The following ARHGAP32 variants were observed in gnomAD, a reference collection of about 807,000 sequenced individuals.
ARHGAP32 encodes the protein rho GTPase-activating protein 32.
A neutral mutation model predicts 186.5 loss-of-function variants in ARHGAP32; 51 were observed. The ratio of observed to expected loss-of-function variants is 0.27; its 90% CI spans 0.22 to 0.35. The LOEUF (loss-of-function observed/expected upper bound fraction) is 0.35. Among genes scored for constraint, ARHGAP32 ranks in the 10% least tolerant of loss-of-function variants. ARHGAP32 has a pLI of 1.00. For missense variants in ARHGAP32, 2,186 were observed against 2,623.5 expected (o/e 0.83, Z 3.64); for synonymous variants, 950 against 964.3 (o/e 0.99, Z 0.27).
chr11:129,034,774 C>T (rs1305189235), intron 11 of ARHGAP32, among the ~76,000 whole-genome samples: 2 of 143,184 alleles, frequency 1.4e-5, no homozygotes, highest in Non-Finnish European at 3.0e-5. Context: ...AACAGGAGAT[C>T]GTGCCACTGC....
At position 128,999,760 on chromosome 11, in the gene ARHGAP32, C is replaced by T. The variant is rs986876204; in HGVS notation, c.1046-1292G>A. On this transcript the variant is annotated intron_variant, in intron 11 of 22. Transcript: ENST00000682385. ...GGTTCCCCCGATATCTTCTCACCAC[C>T]TTACCTTATGAGACTGTCAGCAAAT... 2.6e-5 allele frequency among the ~76,000 whole-genome samples: 4 copies of T among 152,170 alleles called. No individual in the cohort carries two copies. In the East Asian group the frequency reaches 7.7e-4, roughly 29 times the overall value.
intron 5 of ARHGAP32, among the ~76,000 whole-genome samples, chr11:129,120,666 C>T (rs778734680): frequency 2.0e-5 from 3 of 151,958 alleles, no homozygotes; most frequent in African/African-American, 2.4e-5. Flanking sequence ...ATGTAGAAGA[C>T]GTTAACATCT....
intron 1 of ARHGAP32, among the ~76,000 whole-genome samples, chr11:129,234,673 T>A (rs1226046299): frequency 6.6e-6 from 1 of 152,172 alleles, no homozygotes; most frequent in Non-Finnish European, 1.5e-5. Flanking sequence ...TTATTTTTAA[T>A]CTGCCACCTG....
chr11:128,984,949 C>A (rs1431640206), intron 15 of ARHGAP32, among the ~76,000 whole-genome samples: 2 of 152,164 alleles, frequency 1.3e-5, no homozygotes, highest in Non-Finnish European at 2.9e-5. Flanking sequence ...TAGTCTCCAA[C>A]TTACAATGGT....
chr11:128,973,452 A>G lies in ARHGAP32; in HGVS notation c.3074-20T>C. On this transcript the variant is annotated intron_variant, in intron 21 of 22. Transcript: ENST00000682385. Reference sequence around the variant, plus strand: ...CTGCTCCTAGTGGGAAATTGGGAAAAAAAATGAGAGTGAAAAGGTAGCTTA... The same window carrying G: ...CTGCTCCTAGTGGGAAATTGGGAAAGAAAATGAGAGTGAAAAGGTAGCTTA... The G allele has an allele frequency of 1.2e-6, 2 of 1,609,066 alleles. No homozygotes were observed. Among genetic ancestry groups the G allele is most frequent in the South Asian group, 2.2e-5 (2 of 90,890 alleles).
rs141181909 is a variant in ARHGAP32 at position 129,231,249 on chromosome 11, T to C, written c.-5+47897A>G. Among the ~76,000 whole-genome samples, 227 of 152,346 alleles carry C rather than the reference T, an allele frequency of 1.5e-3. 1 individual carries two copies. Among genetic ancestry groups the C allele is most frequent in the African/African-American group, 5.0e-3 (209 of 41,586 alleles). On this transcript the variant is annotated intron_variant, in intron 1 of 6. Transcript: ENST00000525234. ...ATTGTTACGGTTTTCTATTGAGACA[T>C]CCTGCCCTATTTTTGACAGCTATTA...
At chr11:128,988,260 T>A (rs953025106) in intron 12 of ARHGAP32, 135 bp from the exon 13 acceptor site, 1 of 608,598 alleles carries the variant, frequency 1.6e-6, no homozygotes, top group African/African-American at 1.8e-5. Flanking sequence ...CAAAAATTAA[T>A]CCACTACAAA....
In ARHGAP32 at chr11:128,981,834, C is replaced by T. The variant is rs1945713810; in HGVS notation, c.1629G>A (p.Leu543=). The T allele has an allele frequency of 6.2e-7, 1 of 1,601,900 alleles. No homozygotes were observed. The highest frequency in any genetic ancestry group is 8.5e-7 in the Non-Finnish European group (1 of 1,170,826). The change falls in exon 16 of 23, where the codon CTG becomes CTA. Residue 543 remains leucine (L), a synonymous_variant. Transcript: ENST00000682385. ...ATAAGTGAAATGCAAATTACCTTAACAGGTTTGGAGCCCAAACAATTGCTA... is the reference window on the plus strand; with the variant it reads ...ATAAGTGAAATGCAAATTACCTTAATAGGTTTGGAGCCCAAACAATTGCTA... ...KNLAIVWAPN[L]LRSKQIESAC...
At chr11:129,240,008 G>A (rs1034350000) in intron 1 of ARHGAP32, among the ~76,000 whole-genome samples, 2 of 152,118 alleles carry the variant, frequency 1.3e-5, no homozygotes, top group South Asian at 2.1e-4. Flanking sequence ...CAGTTACTAT[G>A]CGCAGTGACA....
At chr11:129,227,719 C>T (rs910273862) in intron 1 of ARHGAP32, among the ~76,000 whole-genome samples, 2 of 152,018 alleles carry the variant, frequency 1.3e-5, no homozygotes, top group African/African-American at 4.8e-5. Context: ...TAGCAGACAT[C>T]CAACAACAGA....
chr11:129,154,322 A>C (rs1439913703), intron 2 of ARHGAP32, among the ~76,000 whole-genome samples: 4 of 152,202 alleles, frequency 2.6e-5, no homozygotes, highest in Non-Finnish European at 5.9e-5. Flanking sequence ...AATGGTATGG[A>C]GATTCCCTAA....
intron 1 of ARHGAP32, among the ~76,000 whole-genome samples, chr11:129,242,924 C>T (rs555155274): frequency 6.6e-6 from 1 of 152,172 alleles, no homozygotes; most frequent in East Asian, 1.9e-4. Context: ...TAACTGCACA[C>T]ACACACCTAC....
intron 5 of ARHGAP32, among the ~76,000 whole-genome samples, chr11:129,109,171 G>A (rs1942133780): frequency 1.3e-5 from 2 of 152,040 alleles, no homozygotes; most frequent in Non-Finnish European, 2.9e-5. Flanking sequence ...TCTGTGGCTA[G>A]ATTATTTCAC....
At chr11:129,018,731 G>A (rs544605285) in intron 11 of ARHGAP32, among the ~76,000 whole-genome samples, 1 of 152,178 alleles carries the variant, frequency 6.6e-6, no homozygotes, top group Non-Finnish European at 1.5e-5. Flanking sequence ...TGATTCACTA[G>A]AGTAATAACT....
intron 2 of ARHGAP32, among the ~76,000 whole-genome samples, chr11:129,160,997 G>A (rs1433682582): frequency 7.2e-5 from 11 of 151,984 alleles, no homozygotes; most frequent in South Asian, 2.1e-4. Flanking sequence ...TAGAAATAAC[G>A]CCACACATCT....
intron 5 of ARHGAP32, among the ~76,000 whole-genome samples, chr11:129,106,991 C>T (rs1170333637): frequency 6.6e-6 from 1 of 151,968 alleles, no homozygotes; most frequent in Admixed American, 6.6e-5. Flanking sequence ...CCAAAGAGTT[C>T]CACACCAAGA....
chr11:129,233,219 A>G (rs997830587), intron 1 of ARHGAP32, among the ~76,000 whole-genome samples: 1 of 152,208 alleles, frequency 6.6e-6, no homozygotes, highest in Admixed American at 6.5e-5. Context: ...ATATGATGTC[A>G]GGGATTGGCT....
chr11:129,233,227 G>A (rs1158141086), intron 1 of ARHGAP32, among the ~76,000 whole-genome samples: 2 of 152,110 alleles, frequency 1.3e-5, no homozygotes, highest in Non-Finnish European at 2.9e-5. Flanking sequence ...TCAGGGATTG[G>A]CTTTGAAATA....
intron 1 of ARHGAP32, among the ~76,000 whole-genome samples, chr11:129,249,163 G>A (rs569596144): frequency 4.6e-5 from 7 of 151,776 alleles, no homozygotes; most frequent in African/African-American, 1.7e-4. Context: ...AATGAGTAAA[G>A]CAACTACATG....
Sources: gnomAD v4.1 joint callset for allele counts (sites outside exome capture counted in the v4.1 genomes callset) on GRCh38, gnomAD v4.1.1 for gene constraint, MANE v1.5 for transcripts, NCBI Gene and HGNC (gene_info 2026-07-23, HGNC 2026-07-21) for gene names.